Variants in KLRG1 observed in about 807,000 individuals in gnomAD.
KLRG1 encodes the protein killer cell lectin-like receptor subfamily G member 1.
KLRG1 carries 16 observed loss-of-function variants against 21.8 expected under a neutral mutation model. The observed-to-expected ratio is 0.73, with a 90% CI of 0.50 to 1.11. KLRG1 has a LOEUF of 1.11. KLRG1 is among the 50% of genes most tolerant of loss of function. The probability of loss-of-function intolerance (pLI) is 0.00; values close to 1 mark genes in which losing one functional copy is unlikely to be tolerated. For synonymous variants in KLRG1, 69 were observed against 75.9 expected, an observed-to-expected ratio of 0.91 and a Z score of 0.47; for missense variants, 173 against 218.3, an observed-to-expected ratio of 0.79 and a Z score of 1.31.
the KLRG1 span, among the ~76,000 whole-genome samples, chr12:9,032,725 T>A: frequency 6.6e-6 from 1 of 152,186 alleles, no homozygotes; most frequent in Admixed American, 6.5e-5. Context: ...GAACCCAAGA[T>A]TGGCCTTTTG....
chr12:9,197,192 GA>G, the KLRG1 span: 43 of 1,034,054 alleles, frequency 4.2e-5, no homozygotes, highest in East Asian at 9.9e-4. Flanking sequence ...CTCCTCCACA[GA>G]ACTGTCCCTC....
the KLRG1 span, chr12:9,112,350 T>G: frequency 0.33 from 533,639 of 1,604,834 alleles, 92,575 homozygotes; most frequent in Admixed American, 0.38. Context: ...CTTTTTGAAG[T>G]TGTCCTGTCT....
At chr12:9,047,523 CAATTA>C in the KLRG1 span, among the ~76,000 whole-genome samples, 7 of 151,918 alleles carry the variant, frequency 4.6e-5, no homozygotes, top group Non-Finnish European at 7.4e-5. Flanking sequence ...GAATAAAAAA[CAATTA>C]AAATAAGGTA....
At chr12:9,017,918 G>A in the KLRG1 span, among the ~76,000 whole-genome samples, 4 of 152,196 alleles carry the variant, frequency 2.6e-5, no homozygotes, top group African/African-American at 9.7e-5. Context: ...CAGTGAAGTT[G>A]CAGGATACAA....
chr12:9,069,719 TGCAAATAGA>T, the KLRG1 span: 1 of 1,593,536 alleles, frequency 6.3e-7, no homozygotes. Flanking sequence ...TACGTTTTTT[TGCAAATAGA>T]CTGGAAGTTC....
chr12:9,076,856 T>C, the KLRG1 span: 5 of 1,613,770 alleles, frequency 3.1e-6, no homozygotes, highest in Non-Finnish European at 4.2e-6. Flanking sequence ...CTTTGGTATA[T>C]ACATGGCTGC....
the KLRG1 span, among the ~76,000 whole-genome samples, chr12:9,075,473 A>G: frequency 1.3e-5 from 2 of 152,218 alleles, no homozygotes. Context: ...GAGAAACTCG[A>G]TGTGTAAATT....
At chr12:9,209,768 T>C in the KLRG1 span, among the ~76,000 whole-genome samples, 303 of 152,292 alleles carry the variant, frequency 2.0e-3, 2 homozygotes, top group African/African-American at 7.0e-3. Context: ...TCCATATTTA[T>C]GTAAATAATA....
the KLRG1 span, chr12:9,106,348 G>A: frequency 1.9e-6 from 3 of 1,576,778 alleles, no homozygotes; most frequent in Non-Finnish European, 2.6e-6. Flanking sequence ...TTCCACCACT[G>A]AAAAAAGAGA....
chr12:9,171,858 A>G, the KLRG1 span, among the ~76,000 whole-genome samples: 1 of 152,220 alleles, frequency 6.6e-6, no homozygotes. Flanking sequence ...GACCAAACCT[A>G]TGACTGATTG....
chr12:8,957,674 A>C (rs1005186311), intron 1 of KLRG1, among the ~76,000 whole-genome samples: 1 of 152,162 alleles, frequency 6.6e-6, no homozygotes, highest in Non-Finnish European at 1.5e-5. Flanking sequence ...TAAGTAAAAT[A>C]AGAGTTACTT....
At chr12:9,119,400 C>T in the KLRG1 span, among the ~76,000 whole-genome samples, 5 of 152,016 alleles carry the variant, frequency 3.3e-5, no homozygotes, top group Non-Finnish European at 5.9e-5. Flanking sequence ...GCTGTGAAAT[C>T]AAATAATTGA....
the KLRG1 span, among the ~76,000 whole-genome samples, chr12:9,096,993 C>G: frequency 7.9e-5 from 12 of 152,266 alleles, no homozygotes; most frequent in East Asian, 1.5e-3. Flanking sequence ...CTAATCAAAG[C>G]TTGAGAAGAG....
chr12:9,064,686 G>C, the KLRG1 span: 6 of 153,910 alleles, frequency 3.9e-5, no homozygotes, highest in Middle Eastern at 6.7e-4. This position sits in a 1 kb window ranked among gnomAD's most constrained non-coding sequence, Gnocchi z 4.0. Context: ...CAGTGTAGTC[G>C]GGCACGGAGG....
the KLRG1 span, chr12:9,070,390 A>AT: frequency 1.5e-5 from 12 of 819,186 alleles, no homozygotes; most frequent in Admixed American, 2.7e-4. Context: ...TTTGATAGAG[A>AT]TTGACTTTAA....
chr12:9,080,093 C>A, the KLRG1 span: 2 of 1,579,706 alleles, frequency 1.3e-6, no homozygotes, highest in African/African-American at 2.7e-5. Flanking sequence ...TGGAGACTCA[C>A]CCAAAACTGA....
the KLRG1 span, among the ~76,000 whole-genome samples, chr12:9,087,068 CAAG>C: frequency 5.9e-5 from 9 of 151,914 alleles, no homozygotes; most frequent in Non-Finnish European, 8.8e-5. Flanking sequence ...TAAATCTAAT[CAAG>C]GAGGTGAAAT....
intron 1 of KLRG1, among the ~76,000 whole-genome samples, chr12:8,951,110 C>T (rs1311354350): frequency 6.6e-6 from 1 of 151,880 alleles, no homozygotes; most frequent in Non-Finnish European, 1.5e-5. Context: ...AACAACAAAA[C>T]AAAAATCATA....
At chr12:8,952,369 T>C (rs1225040425) in intron 1 of KLRG1, among the ~76,000 whole-genome samples, 1 of 152,218 alleles carries the variant, frequency 6.6e-6, no homozygotes, top group Non-Finnish European at 1.5e-5. Flanking sequence ...TCTTTGTATT[T>C]TTTGTAGAGA....
Sources: allele counts gnomAD v4.1 joint callset (sites outside exome capture counted in the v4.1 genomes callset), GRCh38; gene constraint gnomAD v4.1.1; non-coding constraint Gnocchi (gnomAD v3.1); transcripts MANE v1.5; gene names NCBI Gene and HGNC (gene_info 2026-07-23, HGNC 2026-07-21).